Variants in SLC4A10 observed in about 807,000 individuals in gnomAD.
SLC4A10 encodes the protein sodium-driven chloride bicarbonate exchanger.
SLC4A10 carries 42 observed loss-of-function variants against 137.7 expected under a neutral mutation model. That is an observed-to-expected ratio of 0.30 (90% CI 0.24 to 0.39). The LOEUF (loss-of-function observed/expected upper bound fraction) is 0.39. SLC4A10 is among the 10% of genes least tolerant of loss of function. SLC4A10 has a pLI of 1.00. For missense variants in SLC4A10, 925 were observed against 1,355.0 expected (o/e 0.68, Z 4.98); for synonymous variants, 474 against 464.1 (o/e 1.02, Z -0.27).
At chr2:161,832,516 T>C (rs1473371283) in intron 3 of SLC4A10, among the ~76,000 whole-genome samples, 1 of 152,150 alleles carries the variant, frequency 6.6e-6, no homozygotes, top group African/African-American at 2.4e-5. Context: ...CAATAAATAT[T>C]CTTCTACTCT....
At chr2:161,777,753 G>C (rs1394099110) in intron 2 of SLC4A10, among the ~76,000 whole-genome samples, 2 of 151,974 alleles carry the variant, frequency 1.3e-5, no homozygotes, top group Middle Eastern at 6.8e-3. Flanking sequence ...TCTTCCACTG[G>C]GTTCCTTTCA....
At chr2:161,893,011 C>A (rs141045980) in intron 10 of SLC4A10, among the ~76,000 whole-genome samples, 107 of 152,118 alleles carry the variant, frequency 7.0e-4, no homozygotes, top group African/African-American at 2.4e-3. Flanking sequence ...CACTTAGGCC[C>A]CCTGTGCTTA....
rs1044976962 is a variant in SLC4A10, at chr2:161,878,031, T to C, written c.949-1100T>C. Among the ~76,000 whole-genome samples the C allele has an allele frequency of 2.0e-5, 3 of 152,120 alleles. No individual in the cohort carries two copies. The South Asian group carries it at 6.2e-4, about 32-fold the overall frequency. On this transcript the variant is annotated intron_variant, in intron 8 of 26. Transcript: ENST00000446997. The stretch of plus-strand genomic sequence containing the variant: ...AAAGCAACATATTTAATGTAGTCAC[T>C]AAGTATTACTATGGATTTTTTCATT...
At chr2:161,736,898 G>T (rs965259713) in intron 1 of SLC4A10, among the ~76,000 whole-genome samples, 2 of 152,142 alleles carry the variant, frequency 1.3e-5, no homozygotes, top group Non-Finnish European at 2.9e-5. Flanking sequence ...CTGTCACCCA[G>T]GTTGGAGTGC....
intron 1 of SLC4A10, among the ~76,000 whole-genome samples, chr2:161,630,517 G>A (rs1481112333): frequency 6.6e-6 from 1 of 151,638 alleles, no homozygotes; most frequent in Non-Finnish European, 1.5e-5. Context: ...ATTTACGGAT[G>A]ATGGAACTGG....
intron 2 of SLC4A10, among the ~76,000 whole-genome samples, chr2:161,802,334 T>A (rs2055457419): frequency 6.6e-6 from 1 of 152,080 alleles, no homozygotes; most frequent in African/African-American, 2.4e-5. Context: ...CCTCCAGTCC[T>A]TCTAGAATTT....
chr2:161,754,189 A>G (rs1355608624), intron 1 of SLC4A10, among the ~76,000 whole-genome samples: 1 of 152,084 alleles, frequency 6.6e-6, no homozygotes, highest in Non-Finnish European at 1.5e-5. Context: ...GGTGTAAACC[A>G]CTGCGTCTTG....
At chr2:161,930,166 A>C (rs1402729605) in intron 15 of SLC4A10, among the ~76,000 whole-genome samples, 2 of 152,190 alleles carry the variant, frequency 1.3e-5, no homozygotes, top group Non-Finnish European at 2.9e-5. Flanking sequence ...ATTAAGTAAG[A>C]GAAGCTTCGT....
intron 15 of SLC4A10, among the ~76,000 whole-genome samples, chr2:161,907,050 C>T (rs1197137569): frequency 3.4e-5 from 4 of 117,180 alleles, no homozygotes; most frequent in Non-Finnish European, 5.0e-5. Flanking sequence ...AGCGAGACTC[C>T]GTCTCAAAAA....
chr2:161,724,412 G>A (rs2046006187), intron 1 of SLC4A10, among the ~76,000 whole-genome samples: 1 of 152,150 alleles, frequency 6.6e-6, no homozygotes, highest in South Asian at 2.1e-4. Flanking sequence ...CTATACTGAG[G>A]CATTGGTAGT....
At chr2:161,958,866 C>T (rs1313119820) in intron 21 of SLC4A10, among the ~76,000 whole-genome samples, 2 of 152,100 alleles carry the variant, frequency 1.3e-5, no homozygotes, top group Non-Finnish European at 2.9e-5. Flanking sequence ...ATATTTGACA[C>T]TTTAATCATG....
At chr2:161,632,178 G>T (rs565257014) in intron 1 of SLC4A10, among the ~76,000 whole-genome samples, 2 of 151,704 alleles carry the variant, frequency 1.3e-5, no homozygotes, top group African/African-American at 4.8e-5. Flanking sequence ...TGATATAAAA[G>T]ATGATGACCT....
In SLC4A10 at chr2:161,879,177, C is replaced by T; in HGVS notation, c.995C>T (p.Ser332Leu). ...MKKIPPGAEA[S>L]NILVGELEFL... ...AAGATTCCTCCAGGTGCTGAAGCAT[C>T]GAACATCTTAGTGGGAGAACTGGAG... The change falls in exon 9 of 27, where the codon TCG becomes TTG. Residue 332 changes from serine (S) to leucine (L), a missense_variant. By Grantham distance (145) the Ser-to-Leu change is moderately radical. Coordinates refer to ENST00000446997, the MANE Select transcript of SLC4A10 (RefSeq NM_001178015.2). The T allele has an allele frequency of 6.2e-7, 1 of 1,613,428 alleles. No individual in the cohort carries two copies. Among genetic ancestry groups the T allele is most frequent in the Non-Finnish European group, 8.5e-7 (1 of 1,179,560 alleles).
chr2:161,829,619 C>G (rs1487930027), intron 3 of SLC4A10, among the ~76,000 whole-genome samples: 1 of 152,040 alleles, frequency 6.6e-6, no homozygotes, highest in Admixed American at 6.6e-5. Flanking sequence ...TAATTTCATT[C>G]CACTTGAATA....
intron 23 of SLC4A10, among the ~76,000 whole-genome samples, chr2:161,969,932 C>G (rs1698225083): frequency 6.6e-6 from 1 of 152,166 alleles, no homozygotes; most frequent in Non-Finnish European, 1.5e-5. Flanking sequence ...GCATATTCTT[C>G]TTCCATAAGC....
At chr2:161,876,956 G>T (rs562954123) in intron 8 of SLC4A10, among the ~76,000 whole-genome samples, 1 of 151,924 alleles carries the variant, frequency 6.6e-6, no homozygotes, top group Non-Finnish European at 1.5e-5. Flanking sequence ...GAAGTCAAAA[G>T]ATGAATTTGC....
In SLC4A10 at chr2:161,885,739, A is replaced by G. The variant is rs528296514; in HGVS notation, c.1194+3295A>G. On this transcript the variant is annotated intron_variant, in intron 10 of 26. Coordinates refer to ENST00000446997, the MANE Select transcript of SLC4A10 (RefSeq NM_001178015.2). Reference sequence around the variant, plus strand: ...CCAAAGAACTTTTGTGTATGTAGATATGTTGGTATTTACCATAGGAGAACT... The same window carrying G: ...CCAAAGAACTTTTGTGTATGTAGATGTGTTGGTATTTACCATAGGAGAACT... Among the ~76,000 whole-genome samples, 29 of 152,296 alleles carry G rather than the reference A, an allele frequency of 1.9e-4. 1 individual carries two copies. Among genetic ancestry groups the G allele is most frequent in the African/African-American group, 7.0e-4 (29 of 41,580 alleles).
intron 15 of SLC4A10, among the ~76,000 whole-genome samples, chr2:161,932,742 C>G (rs1435067051): frequency 6.6e-6 from 1 of 152,176 alleles, no homozygotes. Context: ...CTACCACAAT[C>G]TTTACTACTG....
At chr2:161,943,060 G>T (rs1693029604) in intron 16 of SLC4A10, among the ~76,000 whole-genome samples, 163 bp downstream of exon 16, 1 of 152,054 alleles carries the variant, frequency 6.6e-6, no homozygotes, top group Non-Finnish European at 1.5e-5. Context: ...GTAAACTGGG[G>T]TTATCTTTCA....
Sources: gnomAD v4.1 joint callset for allele counts (sites outside exome capture counted in the v4.1 genomes callset) on GRCh38, gnomAD v4.1.1 for gene constraint, MANE v1.5 for transcripts, NCBI Gene and HGNC (gene_info 2026-07-23, HGNC 2026-07-21) for gene names.